The following LYSMD1 variants were observed in gnomAD, a reference collection of about 807,000 sequenced individuals.
LYSMD1 encodes LysM domain containing 1.
Under a neutral mutation model 19.3 loss-of-function variants are expected in LYSMD1, and 9 were observed. That is an observed-to-expected ratio of 0.47 (90% CI 0.28 to 0.81). The LOEUF (loss-of-function observed/expected upper bound fraction) is 0.81. Among genes scored for constraint, LYSMD1 ranks in the 40% least tolerant of loss-of-function variants. The pLI is 0.11. For synonymous variants in LYSMD1, 111 were observed against 111.7 expected (o/e 0.99, Z 0.04); for missense variants, 262 against 279.8 (o/e 0.94, Z 0.45).
chr1:151,148,681 G>T, the LYSMD1 span, among the ~76,000 whole-genome samples: 1 of 152,174 alleles, frequency 6.6e-6, no homozygotes, highest in African/African-American at 2.4e-5. Flanking sequence ...ACTTTGGTGG[G>T]AGTTGGCTTG....
intron 1 of LYSMD1, 81 bp from the exon 2 acceptor site, chr1:151,162,181 G>A: frequency 7.5e-7 from 1 of 1,337,410 alleles, no homozygotes; most frequent in Non-Finnish European, 1.0e-6. Flanking sequence ...TGACTGTACA[G>A]AGTCTTCTTT....
chr1:151,165,418 C>T lies in LYSMD1; in HGVS notation c.-160G>A, dbSNP rs1683644666. On this transcript the variant is annotated 5_prime_UTR_variant, in exon 1 of 3. Coordinates refer to ENST00000368908, the MANE Select transcript of LYSMD1 (RefSeq NM_212551.5). ...CCCAGCACTACGCCATCTGCCCCCTCCCGGTTTCTCCTCCCTCCAAGCTAC... is the reference window on the plus strand; with the variant it reads ...CCCAGCACTACGCCATCTGCCCCCTTCCGGTTTCTCCTCCCTCCAAGCTAC... 3.5e-6 allele frequency: 5 copies of T among 1,437,286 alleles called. No individual in the cohort carries two copies. Among genetic ancestry groups the T allele is most frequent in the Non-Finnish European group, 4.5e-6 (5 of 1,100,266 alleles). 89.0% of individuals were successfully genotyped at this position (1,437,286 alleles called of 1,614,324 possible). A position where few individuals can be genotyped will look rare whatever the true frequency, so the allele number is the denominator to read the frequency against.
At chr1:151,158,560 G>C (rs1683310081), downstream of LYSMD1, 7 of 874,192 alleles carry the variant, frequency 8.0e-6, no homozygotes, top group East Asian at 1.9e-4. Context: ...CCAGGGGGCG[G>C]AGAGGATGAC....
At chr1:151,164,094 A>C (rs1467548142) in intron 1 of LYSMD1, among the ~76,000 whole-genome samples, 1 of 152,006 alleles carries the variant, frequency 6.6e-6, no homozygotes, top group African/African-American at 2.4e-5. Flanking sequence ...GGGTTTCACC[A>C]TGTTGGCCAG....
the LYSMD1 span, among the ~76,000 whole-genome samples, chr1:151,150,879 C>T: frequency 2.0e-5 from 3 of 151,868 alleles, no homozygotes; most frequent in African/African-American, 7.3e-5. Flanking sequence ...GCTGGGATTA[C>T]AGGCGCCCAC....
At position 151,165,167 on chromosome 1, in the gene LYSMD1, G is replaced by A; in HGVS notation, c.92C>T (p.Ala31Val). The change falls in exon 1 of 3, where the codon GCC becomes GTC. Residue 31 changes from alanine to valine, a missense_variant. Coordinates refer to ENST00000368908, the MANE Select transcript of LYSMD1 (RefSeq NM_212551.5). ...ARSYGSLVQS[A>V]CSPVRERRLE... ...GCGTCTTTCCCTCACTGGGGAGCAG[G>A]CCGATTGCACCAGGCTTCCATATGA... is the stretch of plus-strand genomic sequence containing the variant. 1.9e-6 allele frequency: 3 copies of A among 1,614,150 alleles called. No homozygotes were observed. Among genetic ancestry groups the A allele is most frequent in the Non-Finnish European group, 2.5e-6 (3 of 1,180,024 alleles).
chr1:151,154,243 G>T, the LYSMD1 span, among the ~76,000 whole-genome samples: 1 of 152,168 alleles, frequency 6.6e-6, no homozygotes, highest in Admixed American at 6.5e-5. Context: ...ACTTTGGGAG[G>T]CCAAGATGGG....
intron 1 of LYSMD1, 46 bp from the exon 2 acceptor site, chr1:151,162,146 A>G (rs1045480326): frequency 7.1e-6 from 11 of 1,550,928 alleles, no homozygotes; most frequent in South Asian, 2.4e-5. Flanking sequence ...ATAATGATCA[A>G]TCTTACATCT....
chr1:151,161,629 C>T, intron 2 of LYSMD1, 107 bp downstream of exon 2: 1 of 1,414,878 alleles, frequency 7.1e-7, no homozygotes, highest in Middle Eastern at 1.9e-4. Flanking sequence ...AAGGTATCAC[C>T]TTGCCTCTGT....
At chr1:151,148,909 C>T in the LYSMD1 span, among the ~76,000 whole-genome samples, 4 of 151,288 alleles carry the variant, frequency 2.6e-5, no homozygotes, top group Non-Finnish European at 5.9e-5. Context: ...AGGAGTAGGA[C>T]GTCATTTTAA....
chr1:151,159,460 C>T (rs777645932), downstream of LYSMD1: 8 of 559,908 alleles, frequency 1.4e-5, no homozygotes, highest in Non-Finnish European at 2.0e-5. Flanking sequence ...GCCTCTCTCC[C>T]ACTCCAGCCC....
At chr1:151,156,327 A>C (rs1683222047), downstream of LYSMD1, among the ~76,000 whole-genome samples, 1 of 152,126 alleles carries the variant, frequency 6.6e-6, no homozygotes, top group Non-Finnish European at 1.5e-5. Flanking sequence ...TTCAATCTTC[A>C]GAACTTTTCC....
the LYSMD1 span, among the ~76,000 whole-genome samples, chr1:151,151,619 G>A: frequency 6.6e-6 from 1 of 151,330 alleles, no homozygotes; most frequent in African/African-American, 2.4e-5. Context: ...GATTTTTCAT[G>A]TTTACCACTT....
intron 1 of LYSMD1, among the ~76,000 whole-genome samples, chr1:151,162,627 T>C (rs1683493919): frequency 6.6e-6 from 1 of 152,174 alleles, no homozygotes; most frequent in Non-Finnish European, 1.5e-5. Flanking sequence ...CATTAATAAA[T>C]ATTTATTTTG....
downstream of LYSMD1, chr1:151,159,310 T>C: frequency 6.6e-7 from 1 of 1,524,402 alleles, no homozygotes; most frequent in Non-Finnish European, 8.9e-7. Flanking sequence ...AAAACACAGA[T>C]AATGGGCTTC....
At chr1:151,158,083 G>T (rs1193435939), downstream of LYSMD1, among the ~76,000 whole-genome samples, 4 of 152,182 alleles carry the variant, frequency 2.6e-5, no homozygotes, top group African/African-American at 9.7e-5. Flanking sequence ...CCGGCACTTT[G>T]GGAGGCCGAG....
chr1:151,157,719 G>A (rs1293305416), downstream of LYSMD1, among the ~76,000 whole-genome samples: 1 of 152,162 alleles, frequency 6.6e-6, no homozygotes, highest in Non-Finnish European at 1.5e-5. Context: ...GCAAAATGGG[G>A]ATACCTACCC....
At chr1:151,150,883 C>T in the LYSMD1 span, among the ~76,000 whole-genome samples, 3 of 151,742 alleles carry the variant, frequency 2.0e-5, no homozygotes, top group Admixed American at 6.6e-5. Flanking sequence ...GGATTACAGG[C>T]GCCCACCACC....
At chr1:151,153,589 A>T in the LYSMD1 span, among the ~76,000 whole-genome samples, 1 of 151,586 alleles carries the variant, frequency 6.6e-6, no homozygotes, top group Non-Finnish European at 1.5e-5. Context: ...CGGGAGGTGG[A>T]GGTTGCAGTG....
Sources: gnomAD v4.1 joint callset for allele counts (sites outside exome capture counted in the v4.1 genomes callset) on GRCh38, gnomAD v4.1.1 for gene constraint, MANE v1.5 for transcripts, NCBI Gene and HGNC (gene_info 2026-07-23, HGNC 2026-07-21) for gene names.